The following PPFIA2 variants were observed in gnomAD, a reference collection of about 807,000 sequenced individuals.
PPFIA2 encodes PPFI scaffold protein A2.
PPFIA2 carries 46 observed loss-of-function variants against 175.5 expected under a neutral mutation model. That is an observed-to-expected ratio of 0.26 (90% CI 0.21 to 0.34). The LOEUF (loss-of-function observed/expected upper bound fraction) is 0.34, where lower values mean the gene tolerates loss of function less well. Among genes scored for constraint, PPFIA2 ranks in the 10% least tolerant of loss-of-function variants. PPFIA2 has a pLI of 1.00. For missense variants in PPFIA2, 1,179 were observed against 1,506.1 expected (o/e 0.78, Z 3.60); for synonymous variants, 568 against 511.4 (o/e 1.11, Z -1.49).
At chr12:81,548,457 C>A (rs1427185880) in intron 4 of PPFIA2, among the ~76,000 whole-genome samples, 1 of 152,062 alleles carries the variant, frequency 6.6e-6, no homozygotes, top group East Asian at 1.9e-4. Context: ...TTGTCCAAAG[C>A]TGGAGAATAA....
chr12:81,541,749 T>A (rs1029878400), intron 4 of PPFIA2, among the ~76,000 whole-genome samples: 3 of 152,130 alleles, frequency 2.0e-5, no homozygotes, highest in Admixed American at 6.6e-5. Context: ...GACTTTTATT[T>A]CTTGAGTTGT....
Position 81,349,781 on chromosome 12 carries a change from C to T in PPFIA2, c.1995-2011G>A, listed in dbSNP as rs142288890. Among the ~76,000 whole-genome samples, 548 of 152,144 alleles carry T rather than the reference C, an allele frequency of 3.6e-3. 8 individuals carry two copies. The highest frequency in any genetic ancestry group is 0.012 in the African/African-American group (519 of 41,540). ...GTATATTGAAGTTTAATTTAACAGA[C>T]AATAGTAGCTAACTATAAAAGCACA... On this transcript the variant is annotated intron_variant, in intron 17 of 32. Transcript: ENST00000549396.
At chr12:81,694,280 C>A (rs112045577) in intron 3 of PPFIA2, among the ~76,000 whole-genome samples, 5,998 of 152,194 alleles carry the variant, frequency 0.039, 151 homozygotes, top group Middle Eastern at 0.068. Context: ...TGTGTGGCAG[C>A]CCCTCACATC....
intron 4 of PPFIA2, among the ~76,000 whole-genome samples, chr12:81,484,350 G>C (rs979948513): frequency 6.6e-6 from 1 of 151,954 alleles, no homozygotes; most frequent in Non-Finnish European, 1.5e-5. Context: ...CACGTAAATA[G>C]TTATATACAA....
At chr12:81,638,934 G>T (rs1436026890) in intron 4 of PPFIA2, among the ~76,000 whole-genome samples, 1 of 151,696 alleles carries the variant, frequency 6.6e-6, no homozygotes, top group Non-Finnish European at 1.5e-5. Flanking sequence ...TGATCCGCCC[G>T]CCTCGGCCTC....
At chr12:81,438,207 C>G (rs776694976) in intron 7 of PPFIA2, among the ~76,000 whole-genome samples, 1 of 152,100 alleles carries the variant, frequency 6.6e-6, no homozygotes, top group African/African-American at 2.4e-5. Flanking sequence ...CGGTGGCTCA[C>G]GCGTGTAATC....
intron 4 of PPFIA2, among the ~76,000 whole-genome samples, chr12:81,584,738 G>A (rs896895073): frequency 7.7e-5 from 11 of 143,474 alleles, no homozygotes; most frequent in Non-Finnish European, 1.5e-4. Context: ...TATATATAAG[G>A]CCTATCTAAA....
At chr12:81,331,631 G>A (rs536033387) in intron 21 of PPFIA2, among the ~76,000 whole-genome samples, 2 of 152,198 alleles carry the variant, frequency 1.3e-5, no homozygotes, top group South Asian at 2.1e-4. Flanking sequence ...CTTTTCATAC[G>A]CATTTAAAGG....
chr12:81,602,135 C>T (rs969365922), intron 4 of PPFIA2, among the ~76,000 whole-genome samples: 3 of 151,572 alleles, frequency 2.0e-5, no homozygotes, highest in African/African-American at 7.3e-5. Context: ...TTTTAAATGA[C>T]TATATGGTTG....
chr12:81,709,636 A>G (rs1251178654), intron 3 of PPFIA2, among the ~76,000 whole-genome samples: 1 of 152,088 alleles, frequency 6.6e-6, no homozygotes, highest in Non-Finnish European at 1.5e-5. Context: ...AAAATATATT[A>G]TGAGAGCTTT....
At chr12:81,435,739 T>C (rs1208915164) in intron 7 of PPFIA2, among the ~76,000 whole-genome samples, 3 of 151,302 alleles carry the variant, frequency 2.0e-5, no homozygotes, top group African/African-American at 7.2e-5. Flanking sequence ...TATCAAGATA[T>C]CATTCACAAT....
intron 3 of PPFIA2, among the ~76,000 whole-genome samples, chr12:81,680,359 G>A (rs1448270396): frequency 6.6e-6 from 1 of 151,860 alleles, no homozygotes; most frequent in Non-Finnish European, 1.5e-5. Context: ...TCACTTAAAA[G>A]GTTAGATAGT....
rs1366876482 is a variant in PPFIA2, at chr12:81,533,630, AT to A, written c.304-75765del. Among the ~76,000 whole-genome samples, 4 of 151,602 alleles carry A rather than the reference AT, an allele frequency of 2.6e-5. No individual in the cohort carries two copies. In the East Asian group the frequency reaches 7.8e-4, roughly 29 times the overall value. On this transcript the variant is annotated intron_variant, in intron 4 of 32. Transcript: ENST00000549396. ...ATAGTTATGAATATGTGAACAATGA[AT>A]TAGAACTTATCAATGTTATACCAAA...
At chr12:81,620,465 C>T (rs932020352) in intron 4 of PPFIA2, among the ~76,000 whole-genome samples, 3 of 151,830 alleles carry the variant, frequency 2.0e-5, no homozygotes, top group Admixed American at 2.0e-4. Context: ...TAAACTATAA[C>T]TAAAACCCAG....
intron 4 of PPFIA2, among the ~76,000 whole-genome samples, chr12:81,571,056 A>C (rs1249976013): frequency 6.6e-6 from 1 of 152,060 alleles, no homozygotes; most frequent in African/African-American, 2.4e-5. Context: ...GATTTTTTTC[A>C]TACTGAGAAT....
At chr12:81,700,071 A>C (rs750974654) in intron 3 of PPFIA2, among the ~76,000 whole-genome samples, 4 of 151,986 alleles carry the variant, frequency 2.6e-5, no homozygotes, top group African/African-American at 4.8e-5. Flanking sequence ...ATTTGTCTTC[A>C]TACTGCTTCA....
At chr12:81,572,476 T>C (rs899167162) in intron 4 of PPFIA2, among the ~76,000 whole-genome samples, 6 of 152,038 alleles carry the variant, frequency 3.9e-5, no homozygotes, top group Admixed American at 6.6e-5. Context: ...CCATACAGTG[T>C]AAGCTCAATT....
chr12:81,410,309 C>T (rs1194306909), intron 7 of PPFIA2, among the ~76,000 whole-genome samples: 2 of 152,114 alleles, frequency 1.3e-5, no homozygotes, highest in East Asian at 3.9e-4. Context: ...TAATTTGTAA[C>T]ATTGGCTCAA....
intron 4 of PPFIA2, among the ~76,000 whole-genome samples, chr12:81,585,190 C>T (rs1320418540): frequency 2.0e-5 from 3 of 148,834 alleles, no homozygotes; most frequent in Non-Finnish European, 4.4e-5. Context: ...GCAAATTGCT[C>T]TGGGTGAATT....
Sources: allele counts gnomAD v4.1 joint callset (sites outside exome capture counted in the v4.1 genomes callset), GRCh38; gene constraint gnomAD v4.1.1; transcripts MANE v1.5; gene names NCBI Gene and HGNC (gene_info 2026-07-23, HGNC 2026-07-21).